AMOTL2: variants seen among roughly 807,000 people sequenced by gnomAD.
AMOTL2 encodes the protein angiomotin-like protein 2.
AMOTL2 carries 33 observed loss-of-function variants against 78.4 expected under a neutral mutation model. The observed-to-expected ratio is 0.42, with a 90% CI of 0.32 to 0.56. AMOTL2 has a LOEUF of 0.56. Ranked by LOEUF, AMOTL2 falls within the 20% of genes least tolerant of loss-of-function variation. AMOTL2 has a pLI of 0.12. For synonymous variants in AMOTL2, 422 were observed against 428.8 expected (o/e 0.98, Z 0.20); for missense variants, 983 against 1,030.1 (o/e 0.95, Z 0.63).
chr3:134,360,159 G>A lies in AMOTL2; in HGVS notation c.1830C>T (p.Ser610=). 1.2e-6 allele frequency: 2 copies of A among 1,613,874 alleles called. No homozygotes were observed. Among genetic ancestry groups the A allele is most frequent in the Non-Finnish European group, 1.7e-6 (2 of 1,179,804 alleles). ...RHSPQPSPSS[S]FNEGLLTGGH... is the part of the protein sequence containing the mutation. The stretch of plus-strand genomic sequence containing the variant: ...CACCAGTGAGCAGACCCTCATTGAA[G>A]CTGCTGCTGGGTGAGGGCTGGGGGG... Residue 610 remains serine, a synonymous_variant, in exon 7 of 10, where the codon AGC becomes AGT. Transcript: ENST00000249883.
In AMOTL2 at chr3:134,367,723, G is replaced by A. The variant is rs760815128; in HGVS notation, c.815C>T (p.Pro272Leu). Residue 272 changes from proline (P) to leucine (L), a missense_variant, in exon 3 of 10, where the codon CCC (proline) becomes CTC (leucine). Physicochemically the swap from Pro to Leu is moderately conservative, Grantham distance 98. Transcript: ENST00000249883. ...GAGAGCAGCTGGATGTGGGGGAGGG[G>A]GGTGCTCCTGAGATTGCTGCAGGTA... ...YQYLQQSQEH[P>L]PPPHPAALGH... 1 of 1,613,754 alleles carries A rather than the reference G, an allele frequency of 6.2e-7. No individual in the cohort carries two copies. Among genetic ancestry groups the A allele is most frequent in the South Asian group, 1.1e-5 (1 of 91,054 alleles).
chr3:134,362,525 T>C (rs1421152309), intron 5 of AMOTL2, among the ~76,000 whole-genome samples: 2 of 152,180 alleles, frequency 1.3e-5, no homozygotes, highest in African/African-American at 4.8e-5. Flanking sequence ...GAGAGGTCCG[T>C]TGAGGGCTAC....
chr3:134,370,064 T>C (rs2017783425), intron 2 of AMOTL2, among the ~76,000 whole-genome samples: 1 of 152,182 alleles, frequency 6.6e-6, no homozygotes, highest in Non-Finnish European at 1.5e-5. Flanking sequence ...GTCCCTACCA[T>C]GGCCCAGCAG....
chr3:134,363,251 T>C (rs916796832), intron 5 of AMOTL2, among the ~76,000 whole-genome samples: 1 of 152,170 alleles, frequency 6.6e-6, no homozygotes, highest in Non-Finnish European at 1.5e-5. Flanking sequence ...TGATTCATTT[T>C]GGATGTTTGA....
chr3:134,360,955 C>T (rs993381467), intron 6 of AMOTL2, among the ~76,000 whole-genome samples: 1 of 152,208 alleles, frequency 6.6e-6, no homozygotes, highest in Non-Finnish European at 1.5e-5. Context: ...CGGCGGACCA[C>T]GTGAGGTCAG....
rs752607863 is a variant in AMOTL2, at chr3:134,370,827, C to T, written c.607G>A (p.Gly203Ser). 3 of 1,585,824 alleles carry T rather than the reference C, an allele frequency of 1.9e-6. No homozygotes were observed. Among genetic ancestry groups the T allele is most frequent in the Non-Finnish European group, 2.6e-6 (3 of 1,164,610 alleles). The change falls in exon 2 of 10, where the codon GGC becomes AGC. Residue 203 changes from glycine (G) to serine (S), a missense_variant. Gly to Ser is a moderately conservative substitution (Grantham distance 56). Transcript: ENST00000249883. Reference sequence around the variant, plus strand: ...GGTGGGGGTCCTCGGGACTCTGGGCCCTCAGCAGGGGGGCCCCTCAGTGGG... The same window carrying T: ...GGTGGGGGTCCTCGGGACTCTGGGCTCTCAGCAGGGGGGCCCCTCAGTGGG... ...GPPLRGPPAE[G>S]PESRGPPPQY... is the part of the protein sequence containing the mutation.
chr3:134,359,305 G>A lies in AMOTL2; in HGVS notation c.2082C>T (p.Asp694=), dbSNP rs147292735. Reference sequence around the variant, plus strand: ...TACCTGTAGTCAGCCGAGCAGGGGCGTCTGCTGTTTGTCGCTCACTAGAAG... The same window carrying A: ...TACCTGTAGTCAGCCGAGCAGGGGCATCTGCTGTTTGTCGCTCACTAGAAG... ...GLSSSERQTA[D]APARLTTADR... Residue 694 remains aspartate (D), a synonymous_variant, in exon 8 of 10, where the codon GAC becomes GAT. Transcript: ENST00000249883. 6.3e-5 allele frequency: 102 copies of A among 1,614,166 alleles called. No homozygotes were observed. The African/African-American group carries it at 1.0e-3, about 16-fold the overall frequency.
chr3:134,359,370 C>A lies in AMOTL2; in HGVS notation c.2017G>T (p.Ala673Ser). The A allele has an allele frequency of 6.2e-7, 1 of 1,614,220 alleles. No homozygotes were observed. Among genetic ancestry groups the A allele is most frequent in the Non-Finnish European group, 8.5e-7 (1 of 1,180,034 alleles). The change falls in exon 8 of 10, where the codon GCG (alanine) becomes TCG (serine). Residue 673 changes from alanine (A) to serine (S), a missense_variant. Ala to Ser is a moderately conservative substitution (Grantham distance 99). Coordinates refer to ENST00000249883, the MANE Select transcript of AMOTL2 (RefSeq NM_016201.4). ...RPAKSVPSVFAAAAAGTQGWQ... is the reference protein window; with the variant it reads ...RPAKSVPSVFSAAAAGTQGWQ... Reference sequence around the variant, plus strand: ...CCCTGGGTTCCTGCTGCCGCAGCCGCGAAAACAGATGGCACCGACTTGGCA... The same window carrying A: ...CCCTGGGTTCCTGCTGCCGCAGCCGAGAAAACAGATGGCACCGACTTGGCA...
rs2017852720 is a variant in AMOTL2, at chr3:134,371,332, G to A, written c.102C>T (p.Ile34=). ...NLTETRTLLA[I]QQQALRGGAG... ...CCCCACCCCTCAGGGCCTGCTGCTG[G>A]ATGGCTAGCAGCGTGCGCGTCTCAG... Residue 34 remains isoleucine, a synonymous_variant, in exon 2 of 10, where the codon ATC becomes ATT. Transcript: ENST00000249883. 1 of 1,611,900 alleles carries A rather than the reference G, an allele frequency of 6.2e-7. No individual in the cohort carries two copies. Among genetic ancestry groups the A allele is most frequent in the Non-Finnish European group, 8.5e-7 (1 of 1,180,028 alleles).
chr3:134,360,266 C>T lies in AMOTL2; in HGVS notation c.1723G>A (p.Glu575Lys), dbSNP rs2017297530. ...GCAAACTGCCTCATGGCACGTTCCT[C>T]CAAATACTTCTGCTCCCACTTGGTC... ...DMTKWEQKYL[E>K]ERAMRQFAMD... The change falls in exon 7 of 10, where the codon GAG becomes AAG. Residue 575 changes from glutamate to lysine, a missense_variant. Physicochemically the swap from Glu to Lys is moderately conservative, Grantham distance 56 (BLOSUM62 1). Transcript: ENST00000249883. 4.3e-6 allele frequency: 7 copies of T among 1,614,230 alleles called. No individual in the cohort carries two copies. The highest frequency in any genetic ancestry group is 5.9e-6 in the Non-Finnish European group (7 of 1,180,028).
chr3:134,367,389 GC>G, intron 3 of AMOTL2, 107 bp downstream of exon 3: 1 of 1,332,372 alleles, frequency 7.5e-7, no homozygotes, highest in Admixed American at 2.2e-5. Context: ...GAGAAATCCA[GC>G]CAAACAGTTT....
chr3:134,360,851 T>C (rs2017324791), intron 6 of AMOTL2, among the ~76,000 whole-genome samples: 1 of 152,190 alleles, frequency 6.6e-6, no homozygotes, highest in Admixed American at 6.5e-5. Context: ...GACAACCATC[T>C]TTCCTCCCAA....
intron 1 of AMOTL2, 98 bp from the exon 2 acceptor site, chr3:134,371,592 A>G: frequency 6.9e-7 from 1 of 1,448,108 alleles, no homozygotes; most frequent in East Asian, 2.5e-5. Context: ...CTCTGGTGGA[A>G]AGCATAAAAG....
At chr3:134,374,918 TGTGTGTGTGC>T (rs968208824), upstream of AMOTL2, 153 of 1,271,046 alleles carry the variant, frequency 1.2e-4, 1 homozygote, top group East Asian at 8.8e-4. Flanking sequence ...TGTGTGTGTG[TGTGTGTGTGC>T]GTGTGTGTGT....
intron 4 of AMOTL2, 24 bp from the exon 5 acceptor site, chr3:134,365,933 T>C (rs1394254724): frequency 1.2e-6 from 2 of 1,610,090 alleles, no homozygotes; most frequent in Admixed American, 1.7e-5. Flanking sequence ...AGGAAAGATG[T>C]TTTAGTGTCA....
rs749069936 is a variant in AMOTL2 at position 134,357,703 on chromosome 3, C to T, written c.*2G>A. On this transcript the variant is annotated 3_prime_UTR_variant, in exon 10 of 10. Transcript: ENST00000249883. Reference sequence around the variant, plus strand: ...GCTCAGAGTCCTGAAGCACCACCTCCTTCAGATCAGTATCTCCACCATGTC... The same window carrying T: ...GCTCAGAGTCCTGAAGCACCACCTCTTTCAGATCAGTATCTCCACCATGTC... The T allele has an allele frequency of 8.7e-6, 14 of 1,614,036 alleles. No homozygotes were observed. The highest frequency in any genetic ancestry group is 1.1e-5 in the Non-Finnish European group (13 of 1,180,018).
In AMOTL2 at chr3:134,366,370, A is replaced by C. The variant is rs2017604844; in HGVS notation, c.1099T>G (p.Ser367Ala). The C allele has an allele frequency of 6.2e-7, 1 of 1,614,024 alleles. No individual in the cohort carries two copies. The change falls in exon 4 of 10, where the codon TCC becomes GCC. Residue 367 changes from serine (S) to alanine (A), a missense_variant. Transcript: ENST00000249883. The part of the protein sequence containing the change: ...EAHESLTRAS[S>A]KREALEKTMR... Reference sequence around the variant, plus strand: ...GTCTTCTCCAGGGCCTCACGCTTGGAGGAGGCTCTGGTCAGGCTCTCATGG... The same window carrying C: ...GTCTTCTCCAGGGCCTCACGCTTGGCGGAGGCTCTGGTCAGGCTCTCATGG...
Position 134,361,646 on chromosome 3 carries a change from C to A in AMOTL2, c.1441G>T (p.Ala481Ser), listed in dbSNP as rs2017369229. The change falls in exon 6 of 10, where the codon GCC (alanine) becomes TCC (serine). Residue 481 changes from alanine to serine, a missense_variant. Transcript: ENST00000249883. ...AGCCGCTCCACTTTCTCCACATAGG[C>A]CTGCTTCTTGCGCAGCTCCTCTTCG... ...RAEEELRKKQAYVEKVERLQQ... is the reference protein window; with the variant it reads ...RAEEELRKKQSYVEKVERLQQ... The A allele has an allele frequency of 6.2e-7, 1 of 1,612,810 alleles. No individual in the cohort carries two copies.
rs1377076613 is a variant in AMOTL2 at position 134,358,665 on chromosome 3, G to A, written c.2159C>T (p.Ala720Val). 4 of 1,613,778 alleles carry A rather than the reference G, an allele frequency of 2.5e-6. No individual in the cohort carries two copies. The highest frequency in any genetic ancestry group is 3.4e-6 in the Non-Finnish European group (4 of 1,179,780). Residue 720 changes from alanine (A) to valine (V), a missense_variant, in exon 9 of 10, where the codon GCC (alanine) becomes GTC (valine). By Grantham distance (64) the Ala-to-Val change is moderately conservative (BLOSUM62 0). Coordinates refer to ENST00000249883, the MANE Select transcript of AMOTL2 (RefSeq NM_016201.4). The stretch of plus-strand genomic sequence containing the variant: ...GCTCCCATCTCTGCTCCCGTGTTTG[G>A]CATGGGCAGCAGGGGGAGCTGTGAC... ...PVVTAPPAAH[A>V]KHGSRDGSTQ... is the part of the protein sequence containing the mutation.
Sources: gnomAD v4.1 joint callset for allele counts (sites outside exome capture counted in the v4.1 genomes callset) on GRCh38, gnomAD v4.1.1 for gene constraint, MANE v1.5 for transcripts, NCBI Gene and HGNC (gene_info 2026-07-23, HGNC 2026-07-21) for gene names.